Variants in MAML3 observed in about 807,000 individuals in gnomAD.
The protein encoded by MAML3 is mastermind like transcriptional coactivator 3.
MAML3 carries 27 observed loss-of-function variants against 101.9 expected under a neutral mutation model. The ratio of observed to expected loss-of-function variants is 0.27; its 90% CI spans 0.20 to 0.37. The LOEUF (loss-of-function observed/expected upper bound fraction) is 0.37. Ranked by LOEUF, MAML3 falls within the 10% of genes least tolerant of loss-of-function variation. MAML3 has a pLI of 1.00. For synonymous variants in MAML3, 501 were observed against 555.9 expected, an observed-to-expected ratio of 0.90 and a Z score of 1.39; for missense variants, 1,316 against 1,444.9, an observed-to-expected ratio of 0.91 and a Z score of 1.45.
intron 1 of MAML3, among the ~76,000 whole-genome samples, chr4:140,116,904 T>C (rs115273553): frequency 1.1e-3 from 164 of 152,296 alleles, no homozygotes; most frequent in African/African-American, 3.6e-3. Context: ...ACACAGAGTA[T>C]AGCTATGGAG....
At chr4:139,817,200 A>AGAAG (rs2111118612) in intron 2 of MAML3, among the ~76,000 whole-genome samples, 1 of 152,338 alleles carries the variant, frequency 6.6e-6, no homozygotes, top group South Asian at 2.1e-4. Flanking sequence ...CTATGTACTT[A>AGAAG]GAAGGGTGTA....
At chr4:139,996,493 C>T (rs759739292) in intron 1 of MAML3, among the ~76,000 whole-genome samples, 22 of 151,946 alleles carry the variant, frequency 1.4e-4, no homozygotes, top group Admixed American at 2.6e-4. Context: ...ATTCTTGATT[C>T]ATTGATCCTT....
chr4:140,068,458 T>C (rs1214009682), intron 1 of MAML3, among the ~76,000 whole-genome samples: 3 of 152,188 alleles, frequency 2.0e-5, no homozygotes, highest in Admixed American at 2.0e-4. Flanking sequence ...CAAGGGTCTC[T>C]CTCTACCTAG....
intron 1 of MAML3, among the ~76,000 whole-genome samples, chr4:140,065,464 C>G (rs902440699): frequency 1.3e-5 from 2 of 152,144 alleles, no homozygotes; most frequent in Non-Finnish European, 2.9e-5. Context: ...CCAGGAGCAG[C>G]CTTTCACCCA....
intron 2 of MAML3, among the ~76,000 whole-genome samples, chr4:139,740,993 C>T (rs924817940): frequency 6.6e-6 from 1 of 152,222 alleles, no homozygotes; most frequent in Admixed American, 6.5e-5. Context: ...CTGCCGGTTT[C>T]CCGACTGCTG....
intron 2 of MAML3, among the ~76,000 whole-genome samples, chr4:139,757,642 C>CA (rs10583574): frequency 0.015 from 1,572 of 104,554 alleles, 43 homozygotes; most frequent in African/African-American, 0.044. Flanking sequence ...GGCTCCATTT[C>CA]AAAAAAAAAA....
intron 2 of MAML3, among the ~76,000 whole-genome samples, chr4:139,862,150 A>G (rs1731796308): frequency 1.3e-5 from 2 of 152,226 alleles, no homozygotes; most frequent in African/African-American, 4.8e-5. Context: ...CGGAGGTTGC[A>G]GTGAGCTGAG....
At chr4:139,822,311 G>C (rs1730988303) in intron 2 of MAML3, among the ~76,000 whole-genome samples, 1 of 149,258 alleles carries the variant, frequency 6.7e-6, no homozygotes, top group African/African-American at 2.5e-5. Flanking sequence ...AAATATGGGA[G>C]TAGAGGCCAT....
intron 2 of MAML3, among the ~76,000 whole-genome samples, chr4:139,798,452 T>G (rs1247652732): frequency 6.6e-6 from 1 of 152,190 alleles, no homozygotes; most frequent in Non-Finnish European, 1.5e-5. Flanking sequence ...TGTCCAAAGT[T>G]GTCAGGCAAT....
intron 1 of MAML3, among the ~76,000 whole-genome samples, chr4:140,048,244 A>G (rs574309568): frequency 6.1e-4 from 93 of 152,302 alleles, no homozygotes; most frequent in Non-Finnish European, 1.2e-3. Context: ...GATGAATATC[A>G]TTCTTTTGAT....
intron 2 of MAML3, among the ~76,000 whole-genome samples, chr4:139,877,668 T>C (rs748392531): frequency 2.0e-5 from 3 of 152,214 alleles, no homozygotes; most frequent in Admixed American, 1.3e-4. Flanking sequence ...TGTGGCTCAA[T>C]GCTGCGAAAA....
chr4:139,893,989 G>C (rs1732555045), intron 1 of MAML3, among the ~76,000 whole-genome samples: 1 of 152,072 alleles, frequency 6.6e-6, no homozygotes, highest in South Asian at 2.1e-4. Flanking sequence ...AAGGCTTAGT[G>C]GTCTTTCCAC....
Position 139,718,936 on chromosome 4 carries a change from C to T in MAML3, c.*387G>A, listed in dbSNP as rs926585424. ...TGTCTCCAAAGCTGCTGTCTCCCGA[C>T]CTGGGGCAGGAGGGGCTGAGGATAC... On this transcript the variant is annotated 3_prime_UTR_variant, in exon 5 of 5. Coordinates refer to ENST00000509479, the MANE Select transcript of MAML3 (RefSeq NM_018717.5). The T allele has an allele frequency of 2.3e-4, 42 of 180,878 alleles. No individual in the cohort carries two copies. Among genetic ancestry groups the T allele is most frequent in the African/African-American group, 9.0e-4 (38 of 42,278 alleles). The allele number at this position is 180,878 out of a possible 1,614,324, so 11.2% of individuals were successfully genotyped here.
intron 1 of MAML3, among the ~76,000 whole-genome samples, chr4:139,951,861 A>G (rs1426930628): frequency 1.3e-5 from 2 of 152,104 alleles, no homozygotes; most frequent in South Asian, 2.1e-4. Flanking sequence ...CCATTAAATT[A>G]AAGCTTACGA....
At chr4:139,777,433 C>A (rs1730113722) in intron 2 of MAML3, among the ~76,000 whole-genome samples, 1 of 152,232 alleles carries the variant, frequency 6.6e-6, no homozygotes, top group Admixed American at 6.5e-5. Context: ...CTGCCACTTC[C>A]CCAGTCCAAG....
intron 2 of MAML3, among the ~76,000 whole-genome samples, chr4:139,853,771 G>A (rs1731602936): frequency 6.6e-6 from 1 of 152,044 alleles, no homozygotes; most frequent in South Asian, 2.1e-4. Context: ...TACCAGCTCT[G>A]CTTTTTACCA....
At chr4:139,994,492 C>T (rs1019712770) in intron 1 of MAML3, among the ~76,000 whole-genome samples, 1 of 152,072 alleles carries the variant, frequency 6.6e-6, no homozygotes, top group African/African-American at 2.4e-5. Flanking sequence ...TAGCAAGACT[C>T]CATCTCTAAG....
intron 2 of MAML3, among the ~76,000 whole-genome samples, chr4:139,769,034 A>G (rs1560788509): frequency 6.6e-6 from 1 of 152,200 alleles, no homozygotes; most frequent in Admixed American, 6.5e-5. Flanking sequence ...TTTGGTAACA[A>G]CAAGGTGTTT....
intron 1 of MAML3, among the ~76,000 whole-genome samples, chr4:140,107,497 GA>G (rs571043950): frequency 1.0e-3 from 149 of 144,620 alleles, no homozygotes; most frequent in African/African-American, 3.6e-3. Context: ...GACTATAGAT[GA>G]AAAAAATGCT....
Sources: allele counts gnomAD v4.1 joint callset (sites outside exome capture counted in the v4.1 genomes callset), GRCh38; gene constraint gnomAD v4.1.1; transcripts MANE v1.5; gene names NCBI Gene and HGNC (gene_info 2026-07-23, HGNC 2026-07-21).